Variants in BST1 observed in about 807,000 individuals in gnomAD.
BST1 encodes the protein ADP-ribosyl cyclase/cyclic ADP-ribose hydrolase 2.
Under a neutral mutation model 40.6 loss-of-function variants are expected in BST1, and 49 were observed. The observed-to-expected ratio is 1.21, with a 90% CI of 0.96 to 1.53. The LOEUF is 1.53. BST1 is among the 40% of genes most tolerant of loss of function. BST1 has a pLI of 0.00. For missense variants in BST1, 423 were observed against 395.9 expected (o/e 1.07, Z -0.58); for synonymous variants, 157 against 159.3 (o/e 0.99, Z 0.11).
intron 8 of BST1, among the ~76,000 whole-genome samples, chr4:15,730,202 G>C (rs1307337159): frequency 2.6e-5 from 4 of 152,198 alleles, no homozygotes; most frequent in Non-Finnish European, 4.4e-5. Flanking sequence ...TTTAAGGACA[G>C]GGCCACTAGT....
the BST1 span, among the ~76,000 whole-genome samples, chr4:15,756,006 C>T: frequency 2.0e-5 from 3 of 152,166 alleles, no homozygotes; most frequent in African/African-American, 7.2e-5. Flanking sequence ...GGTGACTAAA[C>T]AGTTCTCCCA....
chr4:15,720,131 G>T (rs754080813), intron 7 of BST1, among the ~76,000 whole-genome samples: 2 of 151,902 alleles, frequency 1.3e-5, no homozygotes, highest in Non-Finnish European at 1.5e-5. Context: ...GGCCTCTTTT[G>T]GTCACCACCC....
At chr4:15,722,830 G>A (rs1720883229) in intron 7 of BST1, 45 bp from the exon 8 acceptor site, 2 of 1,561,474 alleles carry the variant, frequency 1.3e-6, no homozygotes, top group Non-Finnish European at 1.8e-6. Context: ...GTTGATGGAT[G>A]AAAGTTATTT....
the BST1 span, among the ~76,000 whole-genome samples, chr4:15,762,310 A>G: frequency 7.6e-6 from 1 of 131,254 alleles, no homozygotes; most frequent in Admixed American, 7.4e-5. Context: ...ATATACATAT[A>G]TGTATACACA....
chr4:15,750,019 C>T, the BST1 span, among the ~76,000 whole-genome samples: 1 of 151,128 alleles, frequency 6.6e-6, no homozygotes, highest in African/African-American at 2.4e-5. Flanking sequence ...GGTAACTATC[C>T]TTCTACCTTT....
At chr4:15,709,322 C>T (rs1307411081) in intron 3 of BST1, among the ~76,000 whole-genome samples, 1 of 152,080 alleles carries the variant, frequency 6.6e-6, no homozygotes, top group Non-Finnish European at 1.5e-5. Context: ...GCGTGTGTGA[C>T]ATATTTAACA....
At chr4:15,758,817 T>C in the BST1 span, among the ~76,000 whole-genome samples, 1 of 152,114 alleles carries the variant, frequency 6.6e-6, no homozygotes, top group Non-Finnish European at 1.5e-5. Context: ...TTTAATTAAG[T>C]TTTAGTATGT....
downstream of BST1, among the ~76,000 whole-genome samples, chr4:15,733,105 C>T (rs934703370): frequency 1.3e-5 from 2 of 152,164 alleles, no homozygotes; most frequent in African/African-American, 4.8e-5. Flanking sequence ...TGGAAGGGGA[C>T]CCAAGCTGGT....
At chr4:15,730,876 A>G (rs1036792616) in intron 8 of BST1, 7 of 191,588 alleles carry the variant, frequency 3.7e-5, no homozygotes, top group Non-Finnish European at 7.4e-5. Flanking sequence ...ATAACTTCCT[A>G]TATACTATGT....
chr4:15,771,957 G>GTAT, the BST1 span, among the ~76,000 whole-genome samples: 1 of 151,856 alleles, frequency 6.6e-6, no homozygotes, highest in Non-Finnish European at 1.5e-5. Flanking sequence ...AGGAAAGCCA[G>GTAT]GTACACAACA....
intron 8 of BST1, chr4:15,731,169 G>A (rs1721350879): frequency 2.5e-6 from 1 of 407,458 alleles, no homozygotes; most frequent in Non-Finnish European, 4.6e-6. Flanking sequence ...AATTGATTAC[G>A]GACTTCATCT....
At chr4:15,707,446 A>G (rs988695287) in intron 2 of BST1, 65 bp from the exon 3 acceptor site, 3 of 1,605,460 alleles carry the variant, frequency 1.9e-6, no homozygotes, top group Non-Finnish European at 2.6e-6. Flanking sequence ...CCTTGATGAT[A>G]TTGTGCCTGA....
At chr4:15,729,610 G>A (rs1434489230) in intron 8 of BST1, among the ~76,000 whole-genome samples, 1 of 152,064 alleles carries the variant, frequency 6.6e-6, no homozygotes, top group Non-Finnish European at 1.5e-5. Flanking sequence ...AAATAAAAGG[G>A]CATGGGAAAA....
chr4:15,745,297 C>A, the BST1 span, among the ~76,000 whole-genome samples: 2 of 152,050 alleles, frequency 1.3e-5, no homozygotes, highest in African/African-American at 2.4e-5. Context: ...CCAATATTTT[C>A]TTGCAATTTG....
chr4:15,715,862 A>T (rs1211918293), intron 6 of BST1, 63 bp downstream of exon 6: 13 of 1,229,832 alleles, frequency 1.1e-5, no homozygotes, highest in African/African-American at 1.6e-5. Context: ...ATATAATATG[A>T]TAAAGTTCGT....
downstream of BST1, among the ~76,000 whole-genome samples, chr4:15,735,754 T>G (rs530846145): frequency 6.6e-6 from 1 of 152,208 alleles, no homozygotes; most frequent in Admixed American, 6.5e-5. Flanking sequence ...GAAAACACAG[T>G]GTCTGCTGCC....
At chr4:15,755,046 C>A in the BST1 span, among the ~76,000 whole-genome samples, 1 of 152,236 alleles carries the variant, frequency 6.6e-6, no homozygotes, top group African/African-American at 2.4e-5. Flanking sequence ...TTTACAGCTG[C>A]ATAATATTCC....
chr4:15,764,343 G>T, the BST1 span, among the ~76,000 whole-genome samples: 367 of 152,098 alleles, frequency 2.4e-3, 11 homozygotes, highest in African/African-American at 8.4e-3. Flanking sequence ...TCTGAAAAAT[G>T]CTGCATTGAG....
At chr4:15,734,280 T>C (rs530616693), downstream of BST1, among the ~76,000 whole-genome samples, 1 of 152,274 alleles carries the variant, frequency 6.6e-6, no homozygotes, top group Non-Finnish European at 1.5e-5. Context: ...TGGTGGTGAT[T>C]GCATGAATCC....
Sources: allele counts gnomAD v4.1 joint callset (sites outside exome capture counted in the v4.1 genomes callset), GRCh38; gene constraint gnomAD v4.1.1; transcripts MANE v1.5; gene names NCBI Gene and HGNC (gene_info 2026-07-23, HGNC 2026-07-21).